Variants in EP400 observed in about 807,000 individuals in gnomAD.
The protein encoded by EP400 is E1A binding protein p400.
EP400 carries 105 observed loss-of-function variants against 354.1 expected under a neutral mutation model. That is an observed-to-expected ratio of 0.30 (90% CI 0.25 to 0.35). The LOEUF (loss-of-function observed/expected upper bound fraction) is 0.35. EP400 is among the 10% of genes least tolerant of loss of function. The probability of loss-of-function intolerance (pLI) is 1.00; values close to 1 mark genes in which losing one functional copy is unlikely to be tolerated. For missense variants in EP400, 3,280 were observed against 4,121.0 expected, an observed-to-expected ratio of 0.80 and a Z score of 5.59; for synonymous variants, 1,646 against 1,716.9, an observed-to-expected ratio of 0.96 and a Z score of 1.02.
rs12099673 is a variant in EP400, at chr12:131,977,336, G to A, written c.1336-2358G>A. Among the ~76,000 whole-genome samples, 1,409 of 150,202 alleles carry A rather than the reference G, an allele frequency of 9.4e-3. 18 individuals carry two copies. Among genetic ancestry groups the A allele is most frequent in the African/African-American group, 0.032 (1,322 of 40,898 alleles). On this transcript the variant is annotated intron_variant, in intron 2 of 52. Transcript: ENST00000389561. ...TTTTTTTTGTATTTTTAGTAGAGAC[G>A]GAGTTTCACCATGGTCTCGATCTCC...
intron 51 of EP400, among the ~76,000 whole-genome samples, chr12:132,073,915 TG>T: frequency 7.0e-6 from 1 of 143,022 alleles, no homozygotes; most frequent in Admixed American, 7.0e-5. Context: ...CATTGTTTTT[TG>T]GGGTTTTTTT....
At chr12:132,042,863 A>ACG (rs1322157495) in intron 32 of EP400, among the ~76,000 whole-genome samples, 1 of 152,168 alleles carries the variant, frequency 6.6e-6, no homozygotes, top group African/African-American at 2.4e-5. Flanking sequence ...GGCTGCTGTA[A>ACG]CGTTGGGCTG....
Position 131,979,727 on chromosome 12 carries a change from G to T in EP400, c.1369G>T (p.Ala457Ser), listed in dbSNP as rs1019528776. 4 of 1,609,722 alleles carry T rather than the reference G, an allele frequency of 2.5e-6. No homozygotes were observed. The highest frequency in any genetic ancestry group is 1.7e-6 in the Non-Finnish European group (2 of 1,177,892). Residue 457 changes from alanine (A) to serine (S), a missense_variant, in exon 3 of 53, where the codon GCC becomes TCC. Physicochemically the swap from Ala to Ser is moderately conservative, Grantham distance 99. Around this residue, in one of 20 missense-constraint regions of EP400, gnomAD observed 800 missense variants for 840.0 expected, o/e 0.95. Coordinates refer to ENST00000389561, the MANE Select transcript of EP400 (RefSeq NM_015409.5). ...QALAGSLVAG[A>S]GSTVETDLFK... Reference sequence around the variant, plus strand: ...CCTCGCAGGGAGCCTGGTAGCAGGGGCCGGAAGCACAGTAGAGACGGACCT... The same window carrying T: ...CCTCGCAGGGAGCCTGGTAGCAGGGTCCGGAAGCACAGTAGAGACGGACCT...
At chr12:132,047,346 A>G (rs546036951) in intron 39 of EP400, among the ~76,000 whole-genome samples, 1 of 152,332 alleles carries the variant, frequency 6.6e-6, no homozygotes, top group Admixed American at 6.5e-5. Context: ...TAAAGCTAAA[A>G]TATTGTATTG....
In EP400 at chr12:131,987,660, A is replaced by G. The variant is rs769919915; in HGVS notation, c.2224-45A>G. 5 of 1,503,024 alleles carry G rather than the reference A, an allele frequency of 3.3e-6. No homozygotes were observed. In the South Asian group the frequency reaches 4.1e-5, roughly 12 times the overall value. The allele number at this position is 1,503,024 out of a possible 1,614,324, so 93.1% of individuals were successfully genotyped here. A position where few individuals can be genotyped will look rare whatever the true frequency, so the allele number is the denominator to read the frequency against. ...TCTGGGGTCTGAGTTGGTGGAACAC[A>G]CTCATCACATGCCGACCCCACCATC... On this transcript the variant is annotated intron_variant, in intron 6 of 52. Coordinates refer to ENST00000389561, the MANE Select transcript of EP400 (RefSeq NM_015409.5).
At chr12:131,963,718 C>T in intron 2 of EP400, 1 of 1,143,366 alleles carries the variant, frequency 8.7e-7, no homozygotes, top group Non-Finnish European at 1.2e-6. Flanking sequence ...CTTCGATATA[C>T]TACTTGCTCT....
At position 132,038,252 on chromosome 12, in the gene EP400, T is replaced by C. The variant is rs1325989887; in HGVS notation, c.6207+156T>C. On this transcript the variant is annotated intron_variant, in intron 32 of 52. Transcript: ENST00000389561. The surrounding 1 kb of genome is among the most constrained non-coding windows in gnomAD (Gnocchi z 4.2). ...TTTGGAACCTCCCCACTCCCTTCTTTCTGTCATGGGGATTTTGAACTGTAA... is the reference window on the plus strand; with the variant it reads ...TTTGGAACCTCCCCACTCCCTTCTTCCTGTCATGGGGATTTTGAACTGTAA... 6.6e-6 allele frequency among the ~76,000 whole-genome samples: 1 copy of C among 152,146 alleles called. No individual in the cohort carries two copies. The highest frequency in any genetic ancestry group is 1.5e-5 in the Non-Finnish European group (1 of 68,004).
chr12:132,028,188 G>C lies in EP400; in HGVS notation c.5281G>C (p.Ala1761Pro). The change falls in exon 27 of 53, where the codon GCC becomes CCC. Residue 1761 changes from alanine (A) to proline (P), a missense_variant. Around this residue, in one of 20 missense-constraint regions of EP400, gnomAD observed 459 missense variants for 496.9 expected, o/e 0.92. Transcript: ENST00000389561. The stretch of plus-strand genomic sequence containing the variant: ...CCTGGATGGCCGTCGTGGGAAGGAG[G>C]CCGGGCCAGCGCACAGTTACACTTC... ...GSLDGRRGKE[A>P]GPAHSYTSSS... 2 of 1,614,196 alleles carry C rather than the reference G, an allele frequency of 1.2e-6. No individual in the cohort carries two copies. The highest frequency in any genetic ancestry group is 1.1e-5 in the South Asian group (1 of 91,086).
At chr12:131,974,367 C>T (rs555825840) in intron 2 of EP400, among the ~76,000 whole-genome samples, 6 of 152,282 alleles carry the variant, frequency 3.9e-5, no homozygotes, top group East Asian at 1.9e-4. Flanking sequence ...CCTCCCGCCT[C>T]GGCCTCCCAA....
chr12:132,041,800 C>T (rs747212639), intron 32 of EP400, among the ~76,000 whole-genome samples: 2 of 151,984 alleles, frequency 1.3e-5, no homozygotes, highest in Non-Finnish European at 2.9e-5. Flanking sequence ...GTGGGATAGT[C>T]TCATTGTGGT....
At chr12:131,992,327 G>C in intron 11 of EP400, 97 bp downstream of exon 11, 2 of 1,165,464 alleles carry the variant, frequency 1.7e-6, no homozygotes, top group Non-Finnish European at 2.4e-6. Flanking sequence ...GTCATCTTCA[G>C]CTGGTTGGAA....
At chr12:132,045,214 T>C (rs1366340092) in intron 37 of EP400, 105 bp from the exon 38 acceptor site, 5 of 1,519,916 alleles carry the variant, frequency 3.3e-6, no homozygotes. Context: ...GTGGCCTCTT[T>C]GCCCAGGCAC....
At chr12:132,010,901 C>T (rs1032789634) in intron 15 of EP400, among the ~76,000 whole-genome samples, 6 of 152,086 alleles carry the variant, frequency 3.9e-5, no homozygotes, top group African/African-American at 1.4e-4. Context: ...GAGATTGTGC[C>T]GTTGGACTCC....
intron 2 of EP400, among the ~76,000 whole-genome samples, chr12:131,964,445 C>T (rs1269328550): frequency 6.6e-6 from 1 of 152,102 alleles, no homozygotes. Context: ...CCAGCCTGGG[C>T]AGTAGAGCAG....
At chr12:132,021,845 C>T (rs552633942) in intron 23 of EP400, among the ~76,000 whole-genome samples, 6 of 152,340 alleles carry the variant, frequency 3.9e-5, no homozygotes, top group Admixed American at 3.9e-4. Flanking sequence ...ACTTAAAAAA[C>T]ACAGTTATTA....
At chr12:132,043,263 A>C in intron 32 of EP400, 41 bp from the exon 33 acceptor site, 1 of 1,580,860 alleles carries the variant, frequency 6.3e-7, no homozygotes, top group Non-Finnish European at 8.6e-7. Context: ...ACCCTCATTT[A>C]AAAAGTCTAT....
rs1043167459 is a variant in EP400, at chr12:132,078,841, G to A, written c.*1168G>A. Reference sequence around the variant, plus strand: ...AAGGCGTGCCGTTGAGGGGGAAAACGAAGCCCAGTATTTGCTACTGTTTTT... The same window carrying A: ...AAGGCGTGCCGTTGAGGGGGAAAACAAAGCCCAGTATTTGCTACTGTTTTT... On this transcript the variant is annotated 3_prime_UTR_variant, in exon 53 of 53. Transcript: ENST00000389561. The A allele has an allele frequency of 1.3e-5, 2 of 152,224 alleles. No homozygotes were observed. The highest frequency in any genetic ancestry group is 1.3e-4 in the Admixed American group (2 of 15,284). The allele number at this position is 152,224 out of a possible 1,614,324, so 9.4% of individuals were successfully genotyped here.
rs920483640 is a variant in EP400, at chr12:132,052,992, C to T, written c.7395-154C>T. On this transcript the variant is annotated intron_variant, in intron 41 of 52. Transcript: ENST00000389561. The surrounding 1 kb of genome is among the most constrained non-coding windows in gnomAD (Gnocchi z 4.4). ...GAGGATGAGGTCTAGGTGGCTCGAT[C>T]TCCTGCAGGGCACATTGGGCACCTT... Among the ~76,000 whole-genome samples, 2 of 152,140 alleles carry T rather than the reference C, an allele frequency of 1.3e-5. No individual in the cohort carries two copies. The highest frequency in any genetic ancestry group is 6.5e-5 in the Admixed American group (1 of 15,288).
chr12:131,970,698 C>CA (rs1182766267), intron 2 of EP400, among the ~76,000 whole-genome samples: 1 of 152,178 alleles, frequency 6.6e-6, no homozygotes, highest in African/African-American at 2.4e-5. Flanking sequence ...CAGGTGGTGA[C>CA]ACTGTGAGGA....
Sources: gnomAD v4.1 joint callset for allele counts (sites outside exome capture counted in the v4.1 genomes callset) on GRCh38, gnomAD v4.1.1 for gene constraint, gnomAD v4.1.1 regional missense constraint, Gnocchi (gnomAD v3.1) non-coding constraint, MANE v1.5 for transcripts, NCBI Gene and HGNC (gene_info 2026-07-23, HGNC 2026-07-21) for gene names.